The following RBFOX3 variants were observed in gnomAD, a reference collection of about 807,000 sequenced individuals.
The protein encoded by RBFOX3 is RNA binding protein fox-1 homolog 3.
Under a neutral mutation model 48.7 loss-of-function variants are expected in RBFOX3, and 17 were observed. The ratio of observed to expected loss-of-function variants is 0.35; its 90% CI spans 0.24 to 0.52. The LOEUF (loss-of-function observed/expected upper bound fraction) is 0.52. Ranked by LOEUF, RBFOX3 falls within the 20% of genes least tolerant of loss-of-function variation. The probability of loss-of-function intolerance (pLI) is 0.94; values close to 1 mark genes in which losing one functional copy is unlikely to be tolerated. For missense variants in RBFOX3, 382 were observed against 497.5 expected (o/e 0.77, Z 2.21); for synonymous variants, 212 against 209.5 (o/e 1.01, Z -0.10).
intron 1 of RBFOX3, among the ~76,000 whole-genome samples, chr17:79,554,879 A>T (rs2091493534): frequency 6.6e-6 from 1 of 152,214 alleles, no homozygotes; most frequent in East Asian, 1.9e-4. Flanking sequence ...TATGGAATAG[A>T]AGACCCGGGC....
At chr17:79,372,924 G>A (rs949609093) in intron 2 of RBFOX3, among the ~76,000 whole-genome samples, 2 of 152,198 alleles carry the variant, frequency 1.3e-5, no homozygotes, top group African/African-American at 4.8e-5. Context: ...GCAAGACAGG[G>A]CAGAAGGTGG....
the RBFOX3 span, among the ~76,000 whole-genome samples, chr17:79,619,731 TCTC>T: frequency 6.6e-6 from 1 of 151,876 alleles, no homozygotes. Flanking sequence ...AATCCTCTGA[TCTC>T]CTCCACGTCC....
chr17:79,445,489 A>T (rs560948333), intron 2 of RBFOX3, among the ~76,000 whole-genome samples: 240 of 152,218 alleles, frequency 1.6e-3, no homozygotes, highest in African/African-American at 5.6e-3. Flanking sequence ...GATTTCCAGG[A>T]CTGTCTACCC....
At chr17:79,194,360 A>G (rs1332888567) in intron 4 of RBFOX3, among the ~76,000 whole-genome samples, 1 of 152,062 alleles carries the variant, frequency 6.6e-6, no homozygotes, top group Non-Finnish European at 1.5e-5. Context: ...TAATCCCAGC[A>G]CTTTGGGAGG....
intron 4 of RBFOX3, among the ~76,000 whole-genome samples, chr17:79,190,367 C>T (rs189086351): frequency 2.0e-4 from 30 of 148,770 alleles, no homozygotes; most frequent in Non-Finnish European, 3.6e-4. Context: ...GCCGTGATCG[C>T]GCCATTGCAC....
At chr17:79,556,726 T>C (rs1014163187) in intron 1 of RBFOX3, among the ~76,000 whole-genome samples, 6 of 152,128 alleles carry the variant, frequency 3.9e-5, no homozygotes, top group South Asian at 2.1e-4. Context: ...TAAGCAAATA[T>C]CTGAGAAGGC....
intron 1 of RBFOX3, among the ~76,000 whole-genome samples, chr17:79,500,415 G>A (rs1037402335): frequency 3.3e-5 from 5 of 151,928 alleles, no homozygotes; most frequent in Non-Finnish European, 7.4e-5. Context: ...GCACCACCAC[G>A]CCTGGCTAAT....
At chr17:79,513,779 T>G (rs1210402568) in intron 1 of RBFOX3, among the ~76,000 whole-genome samples, 2 of 152,162 alleles carry the variant, frequency 1.3e-5, no homozygotes, top group African/African-American at 4.8e-5. Flanking sequence ...TCACACAGCC[T>G]CCTGGGGCCA....
intron 1 of RBFOX3, among the ~76,000 whole-genome samples, chr17:79,560,699 G>A (rs2092153313): frequency 6.6e-6 from 1 of 152,052 alleles, no homozygotes; most frequent in East Asian, 1.9e-4. Context: ...CTCGTGGCGG[G>A]AAGCCGTTCA....
chr17:79,132,738 G>A (rs1265442239), intron 4 of RBFOX3: 1 of 152,232 alleles, frequency 6.6e-6, no homozygotes, highest in Non-Finnish European at 1.5e-5. Flanking sequence ...GGAGAACCTC[G>A]AGAGCAGCAA....
chr17:79,650,891 C>T, the RBFOX3 span, among the ~76,000 whole-genome samples: 1 of 152,198 alleles, frequency 6.6e-6, no homozygotes, highest in Admixed American at 6.5e-5. Context: ...TCTCCTAAAA[C>T]CTCAGAAGAT....
At chr17:79,511,940 G>A (rs1460086739) in intron 1 of RBFOX3, among the ~76,000 whole-genome samples, 11 of 139,186 alleles carry the variant, frequency 7.9e-5, no homozygotes, top group East Asian at 4.4e-4. Context: ...TGTTACCATC[G>A]GATACAGCCC....
chr17:79,638,514 T>C, the RBFOX3 span, among the ~76,000 whole-genome samples: 1 of 152,112 alleles, frequency 6.6e-6, no homozygotes, highest in African/African-American at 2.4e-5. Context: ...TTTAGAAACA[T>C]GCCACCTACC....
At chr17:79,643,055 T>A in the RBFOX3 span, among the ~76,000 whole-genome samples, 1 of 152,106 alleles carries the variant, frequency 6.6e-6, no homozygotes, top group Admixed American at 6.6e-5. Flanking sequence ...TGAGCTGTGA[T>A]CACACCACTC....
At chr17:79,343,409 C>T (rs907756067) in intron 2 of RBFOX3, among the ~76,000 whole-genome samples, 5 of 152,008 alleles carry the variant, frequency 3.3e-5, no homozygotes, top group South Asian at 2.1e-4. Context: ...CCCAGCTACT[C>T]GGGAAGCTGA....
chr17:79,243,404 C>T lies in RBFOX3; in HGVS notation c.-73-7599G>A, dbSNP rs1359721003. On this transcript the variant is annotated intron_variant, in intron 3 of 14. Coordinates refer to ENST00000693108, the MANE Select transcript of RBFOX3 (RefSeq NM_001350451.2). The surrounding 1 kb of genome is among the most constrained non-coding windows in gnomAD (Gnocchi z 7.9). ...CCCCAGCACTTGTGCAGCCTCAACG[C>T]CCAACATCAGCCCAAACCTTCTGTG... 6.6e-6 allele frequency among the ~76,000 whole-genome samples: 1 copy of T among 152,146 alleles called. No individual in the cohort carries two copies. Among genetic ancestry groups the T allele is most frequent in the African/African-American group, 2.4e-5 (1 of 41,438 alleles).
At position 79,471,631 on chromosome 17, in the gene RBFOX3, G is replaced by A. The variant is rs1354209058; in HGVS notation, c.-175+10823C>T. Among the ~76,000 whole-genome samples, 1 of 152,106 alleles carries A rather than the reference G, an allele frequency of 6.6e-6. No homozygotes were observed. Among genetic ancestry groups the A allele is most frequent in the Non-Finnish European group, 1.5e-5 (1 of 68,008 alleles). Reference sequence around the variant, plus strand: ...GCACACACACCTGTCACCTCTCCGTGGACTGCAGTGTTTAAAAGACAGTCA... The same window carrying A: ...GCACACACACCTGTCACCTCTCCGTAGACTGCAGTGTTTAAAAGACAGTCA... On this transcript the variant is annotated intron_variant, in intron 2 of 14. Coordinates refer to ENST00000693108, the MANE Select transcript of RBFOX3 (RefSeq NM_001350451.2). This position sits in a 1 kb window ranked among gnomAD's most constrained non-coding sequence, Gnocchi z 4.0.
rs1001923652 is a variant in RBFOX3 at position 79,252,689 on chromosome 17, C to T, written c.-73-16884G>A. On this transcript the variant is annotated intron_variant, in intron 3 of 14. Coordinates refer to ENST00000693108, the MANE Select transcript of RBFOX3 (RefSeq NM_001350451.2). This position sits in a 1 kb window ranked among gnomAD's most constrained non-coding sequence, Gnocchi z 4.0. ...TTGTTTGCGACGGCGGCACCTAATG[C>T]GGTCCTCTTGGAAAGTTCTCAGCGT... is the stretch of plus-strand genomic sequence containing the variant. Among the ~76,000 whole-genome samples the T allele has an allele frequency of 6.6e-6, 1 of 152,330 alleles. No homozygotes were observed. The highest frequency in any genetic ancestry group is 1.9e-4 in the East Asian group (1 of 5,178).
chr17:79,201,467 G>GC (rs11408527), intron 4 of RBFOX3, among the ~76,000 whole-genome samples: 76,687 of 151,798 alleles, frequency 0.51, 20,563 homozygotes, highest in Non-Finnish European at 0.6. Flanking sequence ...GGGCTAGGGA[G>GC]CCCTCCTGGG....
Sources: gnomAD v4.1 joint callset for allele counts (sites outside exome capture counted in the v4.1 genomes callset) on GRCh38, gnomAD v4.1.1 for gene constraint, Gnocchi (gnomAD v3.1) non-coding constraint, MANE v1.5 for transcripts, NCBI Gene and HGNC (gene_info 2026-07-23, HGNC 2026-07-21) for gene names.